The following CNIH3 variants were observed in gnomAD, a reference collection of about 807,000 sequenced individuals.
CNIH3 encodes cornichon family AMPA receptor auxiliary protein 3, also known as protein cornichon homolog 3.
A neutral mutation model predicts 24.1 loss-of-function variants in CNIH3; 14 were observed. The observed-to-expected ratio is 0.58, with a 90% confidence interval of 0.38 to 0.91. CNIH3 has a LOEUF of 0.91. Among genes scored for constraint, CNIH3 ranks in the 40% least tolerant of loss-of-function variants. The pLI, the probability that CNIH3 is intolerant of heterozygous loss-of-function variation, is 0.00. For missense variants in CNIH3, 178 were observed against 196.8 expected (o/e 0.90, Z 0.57); for synonymous variants, 68 against 73.8 (o/e 0.92, Z 0.40).
chr1:224,520,358 C>A (rs561369964), intron 1 of CNIH3, among the ~76,000 whole-genome samples: 1 of 152,272 alleles, frequency 6.6e-6, no homozygotes, highest in South Asian at 2.1e-4. Flanking sequence ...AGCGATCCCA[C>A]ACCTCTACAC....
At chr1:224,547,022 C>A in intron 3 of CNIH3, 1 of 378,700 alleles carries the variant, frequency 2.6e-6, no homozygotes, top group Non-Finnish European at 3.6e-6. Flanking sequence ...TGAGTGAGTA[C>A]CTAATGGGCC....
intron 3 of CNIH3, among the ~76,000 whole-genome samples, chr1:224,727,102 A>G (rs1424874210): frequency 6.6e-6 from 1 of 152,220 alleles, no homozygotes; most frequent in African/African-American, 2.4e-5. Context: ...CTGCCCGAGC[A>G]TGTCCGGTGA....
chr1:224,448,855 C>CA (rs1431802093), intron 1 of CNIH3, among the ~76,000 whole-genome samples: 1 of 152,044 alleles, frequency 6.6e-6, no homozygotes, highest in Non-Finnish European at 1.5e-5. Flanking sequence ...ACCTCACAGG[C>CA]AGAGTGAATT....
chr1:224,576,738 GAGTA>G (rs1681053301), intron 4 of CNIH3, among the ~76,000 whole-genome samples: 1 of 152,050 alleles, frequency 6.6e-6, no homozygotes. Context: ...GTGAAAGCAA[GAGTA>G]AGTAAGCAAG....
chr1:224,708,142 C>G (rs1687923426), intron 3 of CNIH3, among the ~76,000 whole-genome samples: 1 of 152,146 alleles, frequency 6.6e-6, no homozygotes, highest in African/African-American at 2.4e-5. Context: ...CATGGATGCT[C>G]TTGAGTAAGT....
intron 1 of CNIH3, among the ~76,000 whole-genome samples, chr1:224,639,989 G>A (rs1684279238): frequency 6.6e-6 from 1 of 152,188 alleles, no homozygotes; most frequent in Non-Finnish European, 1.5e-5. Flanking sequence ...TTCCTGACAT[G>A]TACCCCTGCC....
At chr1:224,580,741 C>T (rs550727094) in intron 4 of CNIH3, among the ~76,000 whole-genome samples, 25 of 150,890 alleles carry the variant, frequency 1.7e-4, no homozygotes, top group Admixed American at 1.1e-3. Context: ...GCAGGAGAAT[C>T]GCTTGAACCA....
At chr1:224,559,846 C>G (rs1347698408) in intron 3 of CNIH3, among the ~76,000 whole-genome samples, 1 of 152,162 alleles carries the variant, frequency 6.6e-6, no homozygotes, top group African/African-American at 2.4e-5. Flanking sequence ...CCCAGTTATA[C>G]TCTTTCCCTC....
rs535146226 is a variant in CNIH3, at chr1:224,506,127, T to C, written n.204-9614T>C. Among the ~76,000 whole-genome samples, 3 of 152,266 alleles carry C rather than the reference T, an allele frequency of 2.0e-5. No homozygotes were observed. The South Asian group carries it at 6.2e-4, about 32-fold the overall frequency. On this transcript the variant is annotated intron_variant and non_coding_transcript_variant, in intron 1 of 5. Transcript: ENST00000471578. ...CTTTCGAGAATGAATCTTTTGAAAA[T>C]AGTGAATCTCTGAGGAATGAAATTC...
rs117720764 is a variant in CNIH3, at chr1:224,672,906, G to C, written c.82-8052G>C. On this transcript the variant is annotated intron_variant, in intron 1 of 5. Transcript: ENST00000272133. Reference sequence around the variant, plus strand: ...AGTCAGAGTTTCTAGGAGGTTTGGGGCATGTGCCCACTCATTAGAAAACTG... The same window carrying C: ...AGTCAGAGTTTCTAGGAGGTTTGGGCCATGTGCCCACTCATTAGAAAACTG... Among the ~76,000 whole-genome samples the C allele has an allele frequency of 1.1e-4, 17 of 152,308 alleles. No individual in the cohort carries two copies. The East Asian group carries it at 2.3e-3, about 21-fold the overall frequency.
intron 3 of CNIH3, among the ~76,000 whole-genome samples, chr1:224,550,883 G>A (rs1260874352): frequency 4.6e-5 from 6 of 131,040 alleles, no homozygotes; most frequent in African/African-American, 1.8e-4. Context: ...GCCCCGGTGT[G>A]TGATGTTCCC....
At chr1:224,668,602 TGGC>T (rs1685712374) in intron 1 of CNIH3, among the ~76,000 whole-genome samples, 1 of 152,118 alleles carries the variant, frequency 6.6e-6, no homozygotes, top group South Asian at 2.1e-4. Context: ...TGGGCTAGGC[TGGC>T]CATGGACCCT....
intron 1 of CNIH3, among the ~76,000 whole-genome samples, chr1:224,501,762 G>C (rs1426122904): frequency 6.6e-6 from 1 of 151,964 alleles, no homozygotes; most frequent in Non-Finnish European, 1.5e-5. Flanking sequence ...TTGTATTTTA[G>C]TAGAGACGGG....
intron 1 of CNIH3, among the ~76,000 whole-genome samples, chr1:224,673,776 G>T (rs972061210): frequency 1.3e-5 from 2 of 152,010 alleles, no homozygotes; most frequent in African/African-American, 4.8e-5. Context: ...ACCAAAAATG[G>T]TGCCAGGTAC....
chr1:224,668,564 C>T (rs930785021), intron 1 of CNIH3, among the ~76,000 whole-genome samples: 4 of 152,136 alleles, frequency 2.6e-5, no homozygotes, highest in Admixed American at 2.6e-4. Context: ...GATGCACATC[C>T]ACACTTGGGT....
chr1:224,599,591 A>G (rs958680371), intron 3 of CNIH3, among the ~76,000 whole-genome samples: 5 of 151,788 alleles, frequency 3.3e-5, no homozygotes, highest in African/African-American at 9.7e-5. Context: ...TTTGATCACA[A>G]TCATTTTGCA....
At chr1:224,658,097 C>A (rs539245916) in intron 1 of CNIH3, among the ~76,000 whole-genome samples, 103 of 152,266 alleles carry the variant, frequency 6.8e-4, no homozygotes, top group African/African-American at 2.4e-3. Flanking sequence ...CCTAATATGT[C>A]TCTCTTGGAA....
At chr1:224,688,300 A>G (rs7549891) in intron 3 of CNIH3, among the ~76,000 whole-genome samples, 27,588 of 152,084 alleles carry the variant, frequency 0.18, 2,688 homozygotes, top group African/African-American at 0.24. Flanking sequence ...TTGAGGTCTG[A>G]CTGTAGCTCA....
chr1:224,629,949 G>C (rs1051491957), intron 1 of CNIH3, among the ~76,000 whole-genome samples: 5 of 152,078 alleles, frequency 3.3e-5, no homozygotes, highest in Non-Finnish European at 7.3e-5. Flanking sequence ...TCAAGGTTTT[G>C]CATTAAGGTC....
Sources: gnomAD v4.1 joint callset for allele counts (sites outside exome capture counted in the v4.1 genomes callset) on GRCh38, gnomAD v4.1.1 for gene constraint, MANE v1.5 for transcripts, NCBI Gene and HGNC (gene_info 2026-07-23, HGNC 2026-07-21) for gene names.